The following GALNT14 variants were observed in gnomAD, a reference collection of about 807,000 sequenced individuals.
GALNT14 encodes the protein UDP-GalNAc:polypeptide N-acetylgalactosaminyltransferase 14.
In GALNT14, 60 loss-of-function variants were observed where a neutral mutation model predicts 77.5. The observed-to-expected ratio is 0.77, with a 90% CI of 0.63 to 0.96. GALNT14 has a LOEUF of 0.96. GALNT14 is among the 40% of genes least tolerant of loss of function. The pLI, the probability that GALNT14 is intolerant of heterozygous loss-of-function variation, is 0.00. For missense variants in GALNT14, 710 were observed against 731.0 expected, an observed-to-expected ratio of 0.97 and a Z score of 0.33; for synonymous variants, 280 against 281.7, an observed-to-expected ratio of 0.99 and a Z score of 0.06.
At chr2:30,946,908 G>A (rs1227420803) in intron 6 of GALNT14, among the ~76,000 whole-genome samples, 1 of 152,140 alleles carries the variant, frequency 6.6e-6, no homozygotes, top group African/African-American at 2.4e-5. Context: ...CCACCTCCAT[G>A]TGAATTTCAC....
chr2:30,992,532 T>C (rs1669769665), intron 2 of GALNT14, among the ~76,000 whole-genome samples: 3 of 152,030 alleles, frequency 2.0e-5, no homozygotes, highest in Non-Finnish European at 1.5e-5. Flanking sequence ...GGCTGTAGTG[T>C]TTTTGGTGCT....
rs145695085 is a variant in GALNT14 at position 31,078,765 on chromosome 2, A to G, written c.129+59193T>C. Among the ~76,000 whole-genome samples the G allele has an allele frequency of 7.6e-4, 115 of 152,296 alleles. No homozygotes were observed. In the East Asian group the frequency reaches 0.019, roughly 26 times the overall value. On this transcript the variant is annotated intron_variant, in intron 1 of 14. Transcript: ENST00000349752. Reference sequence around the variant, plus strand: ...ATTGCATGGTGAGACTGCAGGCTGAAAAGCAGGCAAGCAGGCAGCATCCGA... The same window carrying G: ...ATTGCATGGTGAGACTGCAGGCTGAGAAGCAGGCAAGCAGGCAGCATCCGA...
intron 1 of GALNT14, among the ~76,000 whole-genome samples, chr2:31,017,303 C>T (rs1037623605): frequency 1.3e-5 from 2 of 152,206 alleles, no homozygotes; most frequent in African/African-American, 4.8e-5. Context: ...TCAGCATATA[C>T]CTGCCATCTT....
intron 1 of GALNT14, among the ~76,000 whole-genome samples, chr2:31,128,300 G>A (rs1453389861): frequency 6.6e-6 from 1 of 152,030 alleles, no homozygotes; most frequent in Non-Finnish European, 1.5e-5. Flanking sequence ...ACATGGCAGG[G>A]TGCCCCCACA....
chr2:30,912,162 C>A (rs1664402744), intron 14 of GALNT14, 61 bp downstream of exon 14: 1 of 1,596,474 alleles, frequency 6.3e-7, no homozygotes, highest in African/African-American at 1.3e-5. Flanking sequence ...TCAGACTAAG[C>A]CCTCAACAGG....
intron 10 of GALNT14, among the ~76,000 whole-genome samples, chr2:30,930,372 A>G (rs1665654910): frequency 1.3e-5 from 2 of 152,246 alleles, no homozygotes; most frequent in African/African-American, 4.8e-5. Flanking sequence ...AGCCTGCTGC[A>G]GGTGTAAAGA....
the GALNT14 span, among the ~76,000 whole-genome samples, chr2:30,890,568 CTTGTA>C: frequency 4.9e-3 from 747 of 152,214 alleles, 20 homozygotes; most frequent in Admixed American, 0.044. Flanking sequence ...AATAGTAGTA[CTTGTA>C]TTGTAATAAT....
chr2:30,992,091 C>T (rs778694343), intron 2 of GALNT14, among the ~76,000 whole-genome samples: 1 of 152,104 alleles, frequency 6.6e-6, no homozygotes, highest in Non-Finnish European at 1.5e-5. Context: ...GCCAGGAGCC[C>T]GGGAGTGGAG....
At chr2:30,948,926 T>C (rs140140322) in intron 6 of GALNT14, among the ~76,000 whole-genome samples, 84 of 152,314 alleles carry the variant, frequency 5.5e-4, no homozygotes, top group African/African-American at 1.6e-3. Context: ...CCAGAAGCCA[T>C]GCATGGGCTC....
At chr2:30,989,583 A>ATATATATATATATATATATATATAT (rs56703340) in intron 2 of GALNT14, among the ~76,000 whole-genome samples, 21 of 91,806 alleles carry the variant, frequency 2.3e-4, no homozygotes, top group South Asian at 1.5e-3. Context: ...TATATATATA[A>ATATATATATATATATATATATATAT]AAATATATAT....
At chr2:31,006,982 T>C (rs558200785) in intron 1 of GALNT14, among the ~76,000 whole-genome samples, 1 of 152,208 alleles carries the variant, frequency 6.6e-6, no homozygotes, top group Non-Finnish European at 1.5e-5. Flanking sequence ...GACATCAAGA[T>C]ACCCTCTAGC....
At position 30,910,923 on chromosome 2, in the gene GALNT14, T is replaced by G; in HGVS notation, c.1637A>C (p.His546Pro). 6.2e-7 allele frequency: 1 copy of G among 1,613,966 alleles called. No homozygotes were observed. The highest frequency in any genetic ancestry group is 8.5e-7 in the Non-Finnish European group (1 of 1,179,992). Residue 546 changes from histidine to proline, a missense_variant, in exon 15 of 15, where the codon CAC becomes CCC. By Grantham distance (77) the His-to-Pro change is moderately conservative. Coordinates refer to ENST00000349752, the MANE Select transcript of GALNT14 (RefSeq NM_024572.4). ...NPCESSLMSQ[H>P]WDMVSS ...TCCTCAAGAGCTCACCATGTCCCAG[T>G]GCTGGCTCATGAGTGAGGACTCACA...
intron 1 of GALNT14, among the ~76,000 whole-genome samples, chr2:31,009,999 G>A (rs550628293): frequency 3.9e-4 from 59 of 152,102 alleles, no homozygotes; most frequent in African/African-American, 1.2e-3. Flanking sequence ...GTTTTGTTTC[G>A]TTTTTAGACA....
chr2:31,024,747 G>A (rs952957766), intron 1 of GALNT14, among the ~76,000 whole-genome samples: 1 of 152,160 alleles, frequency 6.6e-6, no homozygotes, highest in African/African-American at 2.4e-5. Context: ...ACCCAGTCCA[G>A]ACCCTGGCAT....
intron 9 of GALNT14, among the ~76,000 whole-genome samples, chr2:30,934,408 C>T (rs574178299): frequency 2.6e-5 from 4 of 152,166 alleles, no homozygotes; most frequent in Non-Finnish European, 5.9e-5. Context: ...TCCTTGCTCG[C>T]TAGATATAAC....
chr2:31,045,878 T>C (rs1273925996), intron 1 of GALNT14, among the ~76,000 whole-genome samples: 1 of 152,226 alleles, frequency 6.6e-6, no homozygotes, highest in Non-Finnish European at 1.5e-5. Context: ...TGGTCATCTC[T>C]GTCTGCTCTT....
At chr2:31,094,444 C>T (rs1436241388) in intron 1 of GALNT14, among the ~76,000 whole-genome samples, 1 of 152,232 alleles carries the variant, frequency 6.6e-6, no homozygotes, top group Non-Finnish European at 1.5e-5. Flanking sequence ...TTCACTTGGA[C>T]ATGCATGACA....
the GALNT14 span, among the ~76,000 whole-genome samples, chr2:30,897,608 C>A: frequency 6.6e-6 from 1 of 152,194 alleles, no homozygotes; most frequent in East Asian, 1.9e-4. Flanking sequence ...TGCTGAGCCC[C>A]GCCTCCAGGT....
In GALNT14 at chr2:30,910,794, G is replaced by C; in HGVS notation, c.*107C>G. 1 of 1,262,654 alleles carries C rather than the reference G, an allele frequency of 7.9e-7. No homozygotes were observed. The highest frequency in any genetic ancestry group is 1.4e-5 in the South Asian group (1 of 70,976). The allele number at this position is 1,262,654 out of a possible 1,614,324, so 78.2% of individuals were successfully genotyped here. The stretch of plus-strand genomic sequence containing the variant: ...TGGGGGGCTCTGCCTCCACCTCCCA[G>C]TCCAGGATGTCTGAGGTGGTTGCAG... On this transcript the variant is annotated 3_prime_UTR_variant, in exon 15 of 15. Transcript: ENST00000349752.
Sources: gnomAD v4.1 joint callset for allele counts (sites outside exome capture counted in the v4.1 genomes callset) on GRCh38, gnomAD v4.1.1 for gene constraint, MANE v1.5 for transcripts, NCBI Gene and HGNC (gene_info 2026-07-23, HGNC 2026-07-21) for gene names.